Variants in TYW1B observed in about 807,000 individuals in gnomAD.
The protein encoded by TYW1B is tRNA-yW synthesizing protein 1 homolog B, also known as S-adenosyl-L-methionine-dependent tRNA 4-demethylwyosine synthase TYW1B.
A neutral mutation model predicts 86.9 loss-of-function variants in TYW1B; 73 were observed. The observed-to-expected ratio is 0.84, with a 90% CI of 0.70 to 1.02. The LOEUF (loss-of-function observed/expected upper bound fraction) is 1.02, where lower values mean the gene tolerates loss of function less well. TYW1B is among the 50% of genes least tolerant of loss of function. The pLI is 0.00. For missense variants in TYW1B, 637 were observed against 827.4 expected, an observed-to-expected ratio of 0.77 and a Z score of 2.82; for synonymous variants, 248 against 292.8, an observed-to-expected ratio of 0.85 and a Z score of 1.56.
chr7:72,713,213 A>C (rs1263438641), intron 10 of TYW1B, among the ~76,000 whole-genome samples: 1 of 151,056 alleles, frequency 6.6e-6, no homozygotes, highest in African/African-American at 2.4e-5. Flanking sequence ...AGACAGGAGA[A>C]TCACTTGAAC....
chr7:72,793,241 G>A (rs1788249459), intron 6 of TYW1B, among the ~76,000 whole-genome samples: 1 of 152,008 alleles, frequency 6.6e-6, no homozygotes, highest in Non-Finnish European at 1.5e-5. Context: ...GGAGGCTGAG[G>A]CAGGAGAATT....
chr7:72,619,856 TAA>T (rs1554437654), intron 12 of TYW1B, among the ~76,000 whole-genome samples: 2 of 152,170 alleles, frequency 1.3e-5, no homozygotes, highest in Non-Finnish European at 2.9e-5. Flanking sequence ...TTTTAATATT[TAA>T]AAAGTTAGTT....
intron 8 of TYW1B, among the ~76,000 whole-genome samples, chr7:72,741,210 T>C (rs1382386347): frequency 6.6e-6 from 1 of 151,956 alleles, no homozygotes; most frequent in African/African-American, 2.4e-5. Context: ...ATGGAAACCA[T>C]GTACAAAGAG....
intron 2 of TYW1B, among the ~76,000 whole-genome samples, 155 bp from the exon 3 acceptor site, chr7:72,815,636 T>C (rs1323494704): frequency 5.9e-5 from 9 of 152,208 alleles, no homozygotes; most frequent in Non-Finnish European, 1.5e-5. Flanking sequence ...TACCATTTTC[T>C]TGGGCACCAT....
chr7:72,624,781 G>A (rs1812302393), intron 12 of TYW1B, among the ~76,000 whole-genome samples: 1 of 152,142 alleles, frequency 6.6e-6, no homozygotes, highest in African/African-American at 2.4e-5. Flanking sequence ...TTTTAAGCCA[G>A]GCGTGGTGGC....
At chr7:72,750,881 T>C (rs1787488016) in intron 7 of TYW1B, among the ~76,000 whole-genome samples, 3 of 152,316 alleles carry the variant, frequency 2.0e-5, no homozygotes, top group South Asian at 2.1e-4. Flanking sequence ...CCTTTGATCA[T>C]CATGTCAGTG....
chr7:72,588,201 A>G (rs1811318813), intron 13 of TYW1B, among the ~76,000 whole-genome samples: 1 of 152,366 alleles, frequency 6.6e-6, no homozygotes, highest in African/African-American at 2.4e-5. Context: ...TAACCATAAG[A>G]TTACATTCTT....
At chr7:72,716,241 T>G (rs1361859366) in intron 9 of TYW1B, among the ~76,000 whole-genome samples, 1 of 152,176 alleles carries the variant, frequency 6.6e-6, no homozygotes, top group African/African-American at 2.4e-5. Context: ...CCAGCCATTA[T>G]TGGCCATCTT....
chr7:72,647,202 AG>A (rs781914389), intron 11 of TYW1B, among the ~76,000 whole-genome samples: 59 of 152,216 alleles, frequency 3.9e-4, no homozygotes, highest in Non-Finnish European at 1.0e-4. Flanking sequence ...AGCAATATTC[AG>A]TGCTGCCTAG....
intron 10 of TYW1B, among the ~76,000 whole-genome samples, chr7:72,705,636 G>A (rs1162670464): frequency 4.6e-5 from 7 of 152,136 alleles, no homozygotes; most frequent in African/African-American, 1.4e-4. Flanking sequence ...AACAGTTAAC[G>A]TGGACTAAAT....
chr7:72,702,561 T>C (rs1210162279), intron 10 of TYW1B, among the ~76,000 whole-genome samples: 4 of 151,926 alleles, frequency 2.6e-5, no homozygotes, highest in Non-Finnish European at 5.9e-5. Flanking sequence ...CTAATTTTTA[T>C]ATTTCAGTTG....
chr7:72,822,907 T>C (rs1222474111), intron 2 of TYW1B: 3 of 152,354 alleles, frequency 2.0e-5, no homozygotes, highest in African/African-American at 7.2e-5. Context: ...GTCAGGAGAA[T>C]TGCTGAAGCC....
intron 8 of TYW1B, among the ~76,000 whole-genome samples, chr7:72,740,000 G>C (rs1430099004): frequency 6.7e-6 from 1 of 148,978 alleles, no homozygotes; most frequent in African/African-American, 2.5e-5. Context: ...GGAAGGCCAA[G>C]GCGGGTGGAT....
chr7:72,625,261 TA>T (rs1812317253), intron 12 of TYW1B, among the ~76,000 whole-genome samples: 1 of 152,096 alleles, frequency 6.6e-6, no homozygotes, highest in Admixed American at 6.6e-5. Flanking sequence ...AGCTCAAAAA[TA>T]TTGTTGAATG....
intron 6 of TYW1B, among the ~76,000 whole-genome samples, chr7:72,799,399 G>C (rs1475721484): frequency 6.6e-6 from 1 of 151,830 alleles, no homozygotes; most frequent in Non-Finnish European, 1.5e-5. Flanking sequence ...CTGACCTCAA[G>C]CGATGCACCC....
chr7:72,614,021 G>T (rs1554436431), intron 13 of TYW1B, among the ~76,000 whole-genome samples: 3 of 150,072 alleles, frequency 2.0e-5, no homozygotes, highest in Non-Finnish European at 4.4e-5. Context: ...GGGGGGCAGG[G>T]GTGGGGAAGG....
At chr7:72,781,594 A>G (rs1308715378) in intron 6 of TYW1B, among the ~76,000 whole-genome samples, 1 of 152,132 alleles carries the variant, frequency 6.6e-6, no homozygotes, top group African/African-American at 2.4e-5. Flanking sequence ...CAGTGAGCCC[A>G]CTGCCCAGTA....
At chr7:72,784,475 T>C (rs1424518980) in intron 6 of TYW1B, among the ~76,000 whole-genome samples, 1 of 152,190 alleles carries the variant, frequency 6.6e-6, no homozygotes, top group African/African-American at 2.4e-5. Flanking sequence ...GATAATCTAG[T>C]TATGTATTTT....
chr7:72,771,364 A>G (rs1488578179), intron 7 of TYW1B, among the ~76,000 whole-genome samples: 4 of 152,228 alleles, frequency 2.6e-5, no homozygotes, highest in Non-Finnish European at 5.9e-5. Flanking sequence ...TGGGCACAAT[A>G]AATTCATTGG....
Sources: gnomAD v4.1 joint callset for allele counts (sites outside exome capture counted in the v4.1 genomes callset) on GRCh38, gnomAD v4.1.1 for gene constraint, MANE v1.5 for transcripts, NCBI Gene and HGNC (gene_info 2026-07-23, HGNC 2026-07-21) for gene names.